The following LRRTM3 variants were observed in gnomAD, a reference collection of about 807,000 sequenced individuals.
LRRTM3 encodes the protein leucine rich repeat transmembrane neuronal 3, also known as leucine-rich repeat transmembrane neuronal protein 3.
A neutral mutation model predicts 44.7 loss-of-function variants in LRRTM3; 24 were observed. The observed-to-expected ratio is 0.54, with a 90% CI of 0.39 to 0.76. LRRTM3 has a LOEUF of 0.76. LRRTM3 is among the 30% of genes least tolerant of loss of function. The probability of loss-of-function intolerance (pLI) is 0.00; values close to 1 mark genes in which losing one functional copy is unlikely to be tolerated. For missense variants in LRRTM3, 587 were observed against 702.2 expected (o/e 0.84, Z 1.85); for synonymous variants, 277 against 278.7 (o/e 0.99, Z 0.06).
chr10:66,954,486 C>T (rs969591234), intron 2 of LRRTM3, among the ~76,000 whole-genome samples: 4 of 152,102 alleles, frequency 2.6e-5, no homozygotes, highest in East Asian at 1.9e-4. Context: ...GTGCACTACA[C>T]GGTCCCGCAA....
chr10:67,051,545 C>T (rs1390337707), intron 2 of LRRTM3, among the ~76,000 whole-genome samples: 3 of 148,980 alleles, frequency 2.0e-5, no homozygotes, highest in South Asian at 2.1e-4. Context: ...CTGCAACCTC[C>T]GCCTTCCAGG....
chr10:67,029,042 G>T (rs1853565155), intron 2 of LRRTM3, among the ~76,000 whole-genome samples: 1 of 152,062 alleles, frequency 6.6e-6, no homozygotes, highest in African/African-American at 2.4e-5. Flanking sequence ...CATCAGACTA[G>T]CCCAGGAGTA....
chr10:67,035,912 T>C (rs1056944245), intron 2 of LRRTM3, among the ~76,000 whole-genome samples: 28 of 152,224 alleles, frequency 1.8e-4, no homozygotes, highest in Non-Finnish European at 4.1e-4. Context: ...CAAGTTATGC[T>C]TTCACTTTCT....
intron 2 of LRRTM3, among the ~76,000 whole-genome samples, chr10:67,001,273 C>T (rs1486542960): frequency 2.0e-5 from 3 of 147,206 alleles, no homozygotes; most frequent in Admixed American, 6.8e-5. Context: ...TGCACTCCAG[C>T]CTGACGACAG....
intron 2 of LRRTM3, among the ~76,000 whole-genome samples, chr10:67,033,388 C>T (rs1853851757): frequency 6.6e-6 from 1 of 152,142 alleles, no homozygotes; most frequent in Non-Finnish European, 1.5e-5. Context: ...GCTTCTCTCC[C>T]ATCAATTTTT....
chr10:67,000,271 A>T (rs962253502), intron 2 of LRRTM3, among the ~76,000 whole-genome samples: 1 of 152,100 alleles, frequency 6.6e-6, no homozygotes, highest in Non-Finnish European at 1.5e-5. Flanking sequence ...AGATTTCTAA[A>T]CTCCTCTTAC....
intron 2 of LRRTM3, among the ~76,000 whole-genome samples, chr10:67,014,337 T>C (rs1270810699): frequency 2.6e-5 from 4 of 152,180 alleles, no homozygotes; most frequent in Non-Finnish European, 5.9e-5. Flanking sequence ...TTGAAGGGAA[T>C]CTTGGCTTCT....
chr10:67,051,841 G>A (rs373705761), intron 2 of LRRTM3, among the ~76,000 whole-genome samples: 1 of 151,636 alleles, frequency 6.6e-6, no homozygotes, highest in African/African-American at 2.4e-5. Flanking sequence ...TGCAACCTCT[G>A]CCTCAGGGGT....
At chr10:66,982,461 T>C (rs1850497286) in intron 2 of LRRTM3, among the ~76,000 whole-genome samples, 1 of 152,168 alleles carries the variant, frequency 6.6e-6, no homozygotes, top group Admixed American at 6.5e-5. Context: ...GAAGATAATT[T>C]GATGTAAAGC....
intron 2 of LRRTM3, among the ~76,000 whole-genome samples, chr10:66,936,924 G>A (rs964145122): frequency 6.6e-6 from 1 of 152,168 alleles, no homozygotes; most frequent in South Asian, 2.1e-4. Context: ...GGCATAGCCA[G>A]CAGGGTTGGG....
chr10:66,946,936 T>A (rs1204054199), intron 2 of LRRTM3, among the ~76,000 whole-genome samples: 1 of 152,108 alleles, frequency 6.6e-6, no homozygotes, highest in Non-Finnish European at 1.5e-5. Context: ...CGCTGGTAAA[T>A]CTTAATCTTA....
chr10:66,952,937 G>C (rs1156581951), intron 2 of LRRTM3, among the ~76,000 whole-genome samples: 3 of 151,992 alleles, frequency 2.0e-5, no homozygotes, highest in African/African-American at 7.2e-5. Flanking sequence ...CAGAATGCAA[G>C]GTATCCTTTG....
chr10:66,927,219 C>T lies in LRRTM3; in HGVS notation c.303C>T (p.Asp101=). ...ACCATAACCATATCAGCAATATTGA[C>T]GAAAATGCTTTTAATGGAATACGCA... ...YLDHNHISNI[D]ENAFNGIRRL... The change falls in exon 2 of 3, where the codon GAC becomes GAT. Residue 101 remains aspartate (D), a synonymous_variant. Coordinates refer to ENST00000361320, the MANE Select transcript of LRRTM3 (RefSeq NM_178011.5). This position sits in a 1 kb window ranked among gnomAD's most constrained non-coding sequence, Gnocchi z 4.7. 2 of 1,614,112 alleles carry T rather than the reference C, an allele frequency of 1.2e-6. No individual in the cohort carries two copies. Among genetic ancestry groups the T allele is most frequent in the East Asian group, 4.5e-5 (2 of 44,882 alleles).
chr10:66,945,504 A>C (rs1589465935), intron 2 of LRRTM3, among the ~76,000 whole-genome samples: 1 of 152,136 alleles, frequency 6.6e-6, no homozygotes, highest in Non-Finnish European at 1.5e-5. Context: ...GGATGGTTTG[A>C]TCTTCTCTCC....
At chr10:66,992,043 T>C (rs1426827756) in intron 2 of LRRTM3, among the ~76,000 whole-genome samples, 1 of 152,148 alleles carries the variant, frequency 6.6e-6, no homozygotes, top group Non-Finnish European at 1.5e-5. Context: ...TATGTCTCTT[T>C]GTGAACGTCA....
chr10:66,995,977 T>C (rs761428688), intron 2 of LRRTM3, among the ~76,000 whole-genome samples: 59 of 152,346 alleles, frequency 3.9e-4, no homozygotes, highest in Non-Finnish European at 6.5e-4. Context: ...TAAATTATTT[T>C]CACATTACCT....
intron 2 of LRRTM3, among the ~76,000 whole-genome samples, chr10:67,023,998 T>A (rs2133083086): frequency 6.6e-6 from 1 of 152,338 alleles, no homozygotes; most frequent in South Asian, 2.1e-4. Flanking sequence ...TTCCTCTTGC[T>A]GCTATAACAT....
chr10:66,990,065 A>C (rs1372720748), intron 2 of LRRTM3, among the ~76,000 whole-genome samples: 1 of 152,218 alleles, frequency 6.6e-6, no homozygotes, highest in African/African-American at 2.4e-5. Context: ...AGCTCATCTC[A>C]CTATGAGATG....
chr10:67,097,465 G>A, intron 2 of LRRTM3, 122 bp from the exon 3 acceptor site: 1 of 770,776 alleles, frequency 1.3e-6, no homozygotes, highest in Non-Finnish European at 2.2e-6. Flanking sequence ...AGGGACACCT[G>A]GGCCACAGGG....
Sources: allele counts gnomAD v4.1 joint callset (sites outside exome capture counted in the v4.1 genomes callset), GRCh38; gene constraint gnomAD v4.1.1; non-coding constraint Gnocchi (gnomAD v3.1); transcripts MANE v1.5; gene names NCBI Gene and HGNC (gene_info 2026-07-23, HGNC 2026-07-21).